Variants in GRM5 observed in about 807,000 individuals in gnomAD.
GRM5 encodes the protein glutamate metabotropic receptor 5, also known as metabotropic glutamate receptor 5.
In GRM5, 19 loss-of-function variants were observed where a neutral mutation model predicts 83.1. The observed-to-expected ratio is 0.23, with a 90% CI of 0.16 to 0.34. The LOEUF (loss-of-function observed/expected upper bound fraction) is 0.34, where lower values mean the gene tolerates loss of function less well. Ranked by LOEUF, GRM5 falls within the 10% of genes least tolerant of loss-of-function variation. GRM5 has a pLI of 1.00. For synonymous variants in GRM5, 675 were observed against 633.6 expected, an observed-to-expected ratio of 1.07 and a Z score of -0.98; for missense variants, 1,160 against 1,588.3, an observed-to-expected ratio of 0.73 and a Z score of 4.58.
intron 7 of GRM5, among the ~76,000 whole-genome samples, chr11:88,572,576 T>C (rs1443440871): frequency 6.6e-6 from 1 of 152,194 alleles, no homozygotes; most frequent in Non-Finnish European, 1.5e-5. Context: ...AGGGATATTA[T>C]ACTTTCTAAC....
intron 3 of GRM5, among the ~76,000 whole-genome samples, chr11:88,751,147 A>G (rs1309342241): frequency 1.3e-5 from 2 of 151,082 alleles, no homozygotes; most frequent in Non-Finnish European, 3.0e-5. Context: ...TGCAAAACCC[A>G]TCAAGAAATG....
chr11:88,555,733 GA>G (rs1174883575), intron 8 of GRM5, among the ~76,000 whole-genome samples: 6 of 152,176 alleles, frequency 3.9e-5, no homozygotes, highest in African/African-American at 1.2e-4. Flanking sequence ...GCACCTGAGA[GA>G]TGCTGTGACT....
intron 3 of GRM5, among the ~76,000 whole-genome samples, chr11:88,757,890 C>T (rs1413698105): frequency 4.6e-5 from 7 of 152,104 alleles, no homozygotes; most frequent in Non-Finnish European, 7.4e-5. Flanking sequence ...AACCGCCCAC[C>T]GATTGTAGTT....
intron 4 of GRM5, among the ~76,000 whole-genome samples, chr11:88,632,250 T>TTA (rs1325452740): frequency 6.8e-6 from 1 of 146,852 alleles, no homozygotes. Context: ...GTATGTACTT[T>TTA]TTTTTTTTTT....
chr11:88,988,206 G>A (rs1487601187), intron 2 of GRM5, among the ~76,000 whole-genome samples: 22 of 152,122 alleles, frequency 1.4e-4, no homozygotes, highest in African/African-American at 3.6e-4. Flanking sequence ...AGAACTACGC[G>A]AAGAATGCAG....
intron 2 of GRM5, among the ~76,000 whole-genome samples, chr11:88,910,227 G>A (rs201825956): frequency 9.9e-5 from 15 of 151,966 alleles, no homozygotes; most frequent in Middle Eastern, 3.4e-3. Flanking sequence ...GGGTTTATCC[G>A]TGTTGTGGCA....
intron 2 of GRM5, chr11:89,008,999 A>G: frequency 1.5e-6 from 1 of 665,234 alleles, no homozygotes; most frequent in Non-Finnish European, 2.8e-6. Context: ...ACTAATTAGG[A>G]GCCTAATTTA....
At chr11:88,951,114 T>C (rs978814442) in intron 2 of GRM5, among the ~76,000 whole-genome samples, 10 of 152,120 alleles carry the variant, frequency 6.6e-5, no homozygotes, top group African/African-American at 2.4e-4. Flanking sequence ...TGACAGAGAG[T>C]ATATGCATTA....
At chr11:89,000,991 A>T (rs1940358260) in intron 2 of GRM5, among the ~76,000 whole-genome samples, 1 of 120,300 alleles carries the variant, frequency 8.3e-6, no homozygotes, top group South Asian at 3.3e-4. Context: ...AATTAAAACC[A>T]CAGTGAGATA....
At chr11:88,864,166 C>T (rs887601114) in intron 2 of GRM5, among the ~76,000 whole-genome samples, 1 of 148,436 alleles carries the variant, frequency 6.7e-6, no homozygotes, top group African/African-American at 2.5e-5. Context: ...TGGTCAAAAT[C>T]CAGTCTGCCT....
At chr11:88,867,351 A>G (rs1944689429) in intron 2 of GRM5, among the ~76,000 whole-genome samples, 1 of 151,928 alleles carries the variant, frequency 6.6e-6, no homozygotes, top group Non-Finnish European at 1.5e-5. Flanking sequence ...CTTAGTTTAG[A>G]GGCTAATGTA....
chr11:88,546,183 A>G (rs1382160543), intron 8 of GRM5, among the ~76,000 whole-genome samples: 4 of 152,014 alleles, frequency 2.6e-5, no homozygotes, highest in African/African-American at 9.7e-5. Flanking sequence ...CACTGTATCT[A>G]AACATATCTA....
chr11:88,851,939 C>A (rs535860316), intron 2 of GRM5, among the ~76,000 whole-genome samples: 1 of 152,126 alleles, frequency 6.6e-6, no homozygotes. Context: ...TGCCAAAGGG[C>A]CTAAATTACC....
chr11:89,006,666 CTTT>C (rs1193039780), intron 2 of GRM5, among the ~76,000 whole-genome samples: 1 of 152,236 alleles, frequency 6.6e-6, no homozygotes, highest in African/African-American at 2.4e-5. Context: ...CTTTGGCCTT[CTTT>C]GAGTTTACAC....
At position 88,894,575 on chromosome 11, in the gene GRM5, C is replaced by T. The variant is rs1391106703; in HGVS notation, c.662-44420G>A. Among the ~76,000 whole-genome samples the T allele has an allele frequency of 3.3e-5, 5 of 152,116 alleles. No individual in the cohort carries two copies. The East Asian group carries it at 9.7e-4, about 29-fold the overall frequency. ...GTTCTAGTGCCTCCCAGGCACTAATCTTCAGAATTTCAGAACTTTTTTCTG... is the reference window on the plus strand; with the variant it reads ...GTTCTAGTGCCTCCCAGGCACTAATTTTCAGAATTTCAGAACTTTTTTCTG... On this transcript the variant is annotated intron_variant, in intron 2 of 9. Transcript: ENST00000305447.
intron 2 of GRM5, among the ~76,000 whole-genome samples, chr11:88,972,782 C>T (rs1173497492): frequency 6.6e-6 from 1 of 152,090 alleles, no homozygotes; most frequent in African/African-American, 2.4e-5. Flanking sequence ...TATTAACTTT[C>T]TAGTGTAGAA....
chr11:88,522,603 CTGTGTG>C (rs55777647), intron 9 of GRM5, among the ~76,000 whole-genome samples: 3,589 of 127,238 alleles, frequency 0.028, 160 homozygotes, highest in African/African-American at 0.089. Context: ...CTCTCTCTCT[CTGTGTG>C]TGTGTGTGTG....
At chr11:88,901,505 C>T (rs1945315530) in intron 2 of GRM5, among the ~76,000 whole-genome samples, 1 of 152,046 alleles carries the variant, frequency 6.6e-6, no homozygotes, top group African/African-American at 2.4e-5. Context: ...GTTCTTTGAC[C>T]CCAGAAGTAT....
intron 3 of GRM5, among the ~76,000 whole-genome samples, chr11:88,781,322 C>G (rs1252794824): frequency 1.3e-5 from 2 of 151,970 alleles, no homozygotes; most frequent in African/African-American, 4.8e-5. Flanking sequence ...AAAATATGCT[C>G]TGAGAATCAG....
Sources: gnomAD v4.1 joint callset for allele counts (sites outside exome capture counted in the v4.1 genomes callset) on GRCh38, gnomAD v4.1.1 for gene constraint, MANE v1.5 for transcripts, NCBI Gene and HGNC (gene_info 2026-07-23, HGNC 2026-07-21) for gene names.